Variants in GRK5 observed in about 807,000 individuals in gnomAD.
GRK5 encodes g protein-coupled receptor kinase GRK5.
GRK5 carries 40 observed loss-of-function variants against 78.4 expected under a neutral mutation model. That is an observed-to-expected ratio of 0.51 (90% CI 0.40 to 0.66). GRK5 has a LOEUF of 0.66. Ranked by LOEUF, GRK5 falls within the 30% of genes least tolerant of loss-of-function variation. The pLI is 0.00. For synonymous variants in GRK5, 289 were observed against 296.8 expected (o/e 0.97, Z 0.27); for missense variants, 598 against 759.9 (o/e 0.79, Z 2.50).
At chr10:119,415,492 C>T (rs893098644) in intron 4 of GRK5, among the ~76,000 whole-genome samples, 2 of 152,158 alleles carry the variant, frequency 1.3e-5, no homozygotes, top group Non-Finnish European at 2.9e-5. Flanking sequence ...CAGAAAAACT[C>T]CTTTGGGGAC....
rs538812115 is a variant in GRK5 at position 119,238,580 on chromosome 10, G to A, written c.52+30611G>A. Among the ~76,000 whole-genome samples the A allele has an allele frequency of 2.2e-4, 33 of 152,274 alleles. No homozygotes were observed. Among genetic ancestry groups the A allele is most frequent in the African/African-American group, 7.5e-4 (31 of 41,532 alleles). On this transcript the variant is annotated intron_variant, in intron 1 of 15. Coordinates refer to ENST00000392870, the MANE Select transcript of GRK5 (RefSeq NM_005308.3). This position sits in a 1 kb window ranked among gnomAD's most constrained non-coding sequence, Gnocchi z 4.7. ...CCTTTGGCTTCTTGGACAATATGCA[G>A]GAAAACACCCGCCTTCTCTTAGACA...
chr10:119,325,382 G>A (rs886073481), intron 1 of GRK5, among the ~76,000 whole-genome samples: 12 of 152,180 alleles, frequency 7.9e-5, no homozygotes, highest in African/African-American at 2.7e-4. Context: ...CTGGAGCTGA[G>A]TGCCACTGGG....
intron 1 of GRK5, among the ~76,000 whole-genome samples, chr10:119,256,709 C>T (rs1276836132): frequency 6.6e-6 from 1 of 151,608 alleles, no homozygotes; most frequent in African/African-American, 2.4e-5. Flanking sequence ...TGCTTTGGAA[C>T]ATCCCCCCTC....
intron 1 of GRK5, among the ~76,000 whole-genome samples, chr10:119,326,061 G>A (rs947695850): frequency 6.6e-6 from 1 of 152,224 alleles, no homozygotes; most frequent in African/African-American, 2.4e-5. Context: ...CTAGCCTCCA[G>A]CTGGGGAAGG....
intron 1 of GRK5, among the ~76,000 whole-genome samples, chr10:119,251,387 A>G (rs60557758): frequency 0.017 from 2,523 of 152,328 alleles, 51 homozygotes; most frequent in East Asian, 0.055. Context: ...GGCATCACCA[A>G]TGCCTTTCTG....
At chr10:119,228,724 C>T (rs566310895) in intron 1 of GRK5, among the ~76,000 whole-genome samples, 3 of 152,230 alleles carry the variant, frequency 2.0e-5, no homozygotes, top group South Asian at 4.2e-4. Context: ...TTATGTACAA[C>T]GAATGTGCGT....
chr10:119,273,432 G>A (rs901873855), intron 1 of GRK5, among the ~76,000 whole-genome samples: 2 of 152,186 alleles, frequency 1.3e-5, no homozygotes, highest in African/African-American at 2.4e-5. Flanking sequence ...TACGTGTGAC[G>A]TTTAAAACAT....
At chr10:119,213,778 G>C (rs577174897) in intron 1 of GRK5, among the ~76,000 whole-genome samples, 7 of 152,056 alleles carry the variant, frequency 4.6e-5, no homozygotes, top group Non-Finnish European at 1.0e-4. Flanking sequence ...CCCCACCCCT[G>C]CTTCTCATTT....
chr10:119,323,705 A>G (rs1391534940), intron 1 of GRK5, among the ~76,000 whole-genome samples: 1 of 151,996 alleles, frequency 6.6e-6, no homozygotes, highest in Non-Finnish European at 1.5e-5. Context: ...CCTCATTTTT[A>G]TTTATTTCAA....
intron 1 of GRK5, among the ~76,000 whole-genome samples, chr10:119,261,575 C>G (rs1589708774): frequency 2.0e-5 from 3 of 151,972 alleles, no homozygotes; most frequent in East Asian, 1.9e-4. Context: ...TGTAGCGAGC[C>G]GAGATCACGC....
chr10:119,417,933 A>G (rs1382031256), intron 4 of GRK5, among the ~76,000 whole-genome samples: 1 of 152,232 alleles, frequency 6.6e-6, no homozygotes, highest in Non-Finnish European at 1.5e-5. Flanking sequence ...GAAGAGGTAC[A>G]TTCTGGTCAT....
At chr10:119,300,919 G>A (rs914600645) in intron 1 of GRK5, among the ~76,000 whole-genome samples, 5 of 152,082 alleles carry the variant, frequency 3.3e-5, no homozygotes, top group South Asian at 2.1e-4. Flanking sequence ...GTAAAACCCC[G>A]TATCAACTAA....
intron 1 of GRK5, among the ~76,000 whole-genome samples, chr10:119,255,638 G>A (rs1849270490): frequency 5.9e-5 from 9 of 152,230 alleles, no homozygotes; most frequent in Admixed American, 5.9e-4. Flanking sequence ...TGGGACTTCA[G>A]CCTCACCAGA....
chr10:119,272,886 C>T (rs935053488), intron 1 of GRK5, among the ~76,000 whole-genome samples: 6 of 152,118 alleles, frequency 3.9e-5, no homozygotes, highest in Admixed American at 2.0e-4. Context: ...GAGGCCAGCC[C>T]GTTGTGGAGG....
Position 119,458,031 on chromosome 10 carries a change from A to C in GRK5, c.*2964A>C, listed in dbSNP as rs1040926529. 1 of 152,262 alleles carries C rather than the reference A, an allele frequency of 6.6e-6. No homozygotes were observed. The highest frequency in any genetic ancestry group is 2.4e-5 in the African/African-American group (1 of 41,460). 9.4% of individuals were successfully genotyped at this position (152,262 alleles called of 1,614,324 possible). A position where few individuals can be genotyped will look rare whatever the true frequency, so the allele number is the denominator to read the frequency against. ...TTTTAAAAGATATTTTAAAATTAAA[A>C]GCAAACAACACTGTCCACCCATCTA... On this transcript the variant is annotated 3_prime_UTR_variant, in exon 16 of 16. Coordinates refer to ENST00000392870, the MANE Select transcript of GRK5 (RefSeq NM_005308.3).
intron 4 of GRK5, chr10:119,406,463 C>T: frequency 1.1e-6 from 1 of 947,110 alleles, no homozygotes; most frequent in Non-Finnish European, 1.2e-6. Context: ...GAAGCTTGGG[C>T]AAATGGCTCC....
At position 119,392,340 on chromosome 10, in the gene GRK5, T is replaced by C. The variant is rs532150412; in HGVS notation, c.262-4355T>C. On this transcript the variant is annotated intron_variant, in intron 3 of 15. Coordinates refer to ENST00000392870, the MANE Select transcript of GRK5 (RefSeq NM_005308.3). Reference sequence around the variant, plus strand: ...CAATGCAGGGAGAAGGCTCATTCAGTGGTGTCTTCCCTGTTGGCACCTGGC... The same window carrying C: ...CAATGCAGGGAGAAGGCTCATTCAGCGGTGTCTTCCCTGTTGGCACCTGGC... 9.2e-5 allele frequency among the ~76,000 whole-genome samples: 14 copies of C among 152,358 alleles called. No individual in the cohort carries two copies. The Middle Eastern group carries it at 0.01, about 111-fold the overall frequency.
intron 2 of GRK5, among the ~76,000 whole-genome samples, chr10:119,354,453 G>A (rs193289907): frequency 7.2e-6 from 1 of 138,022 alleles, no homozygotes; most frequent in East Asian, 2.2e-4. Context: ...TCAGGCTGGA[G>A]TGCAGTGGCG....
intron 3 of GRK5, among the ~76,000 whole-genome samples, chr10:119,394,437 GGTGT>G (rs1167430807): frequency 2.8e-4 from 2 of 7,164 alleles, no homozygotes; most frequent in East Asian, 0.01. Context: ...TACGTGTATG[GGTGT>G]GTGTATCTGC....
Sources: gnomAD v4.1 joint callset for allele counts (sites outside exome capture counted in the v4.1 genomes callset) on GRCh38, gnomAD v4.1.1 for gene constraint, Gnocchi (gnomAD v3.1) non-coding constraint, MANE v1.5 for transcripts, NCBI Gene and HGNC (gene_info 2026-07-23, HGNC 2026-07-21) for gene names.